The following MTERF3 variants were observed in gnomAD, a reference collection of about 807,000 sequenced individuals.
MTERF3 encodes the protein mitochondrial transcription termination factor 3.
MTERF3 carries 40 observed loss-of-function variants against 40.5 expected under a neutral mutation model. The observed-to-expected ratio is 0.99, with a 90% CI of 0.77 to 1.29. The LOEUF (loss-of-function observed/expected upper bound fraction) is 1.29. MTERF3 is among the 50% of genes most tolerant of loss of function. The pLI is 0.00. For synonymous variants in MTERF3, 158 were observed against 166.6 expected (o/e 0.95, Z 0.40); for missense variants, 452 against 478.2 (o/e 0.95, Z 0.51).
In MTERF3 at chr8:96,258,586, T is replaced by G. The variant is rs1164977102; in HGVS notation, c.105A>C (p.Arg35Ser). The change falls in exon 2 of 8, where the codon AGA becomes AGC. Residue 35 changes from arginine (R) to serine (S), a missense_variant. Arg to Ser is a moderately radical substitution (Grantham distance 110). Coordinates refer to ENST00000287025, the MANE Select transcript of MTERF3 (RefSeq NM_015942.5). ...GAGCAGAAAAGCCATGTAACAGTGT[T>G]CTTGCTGGTCTAGTAAAACGTTTTG... ...QLTKRFTRPA[R>S]TLLHGFSAQP... is the part of the protein sequence containing the mutation. 1.2e-6 allele frequency: 2 copies of G among 1,614,048 alleles called. No homozygotes were observed. The highest frequency in any genetic ancestry group is 1.7e-6 in the Non-Finnish European group (2 of 1,180,002).
chr8:96,253,003 G>A (rs1262455474), intron 3 of MTERF3, among the ~76,000 whole-genome samples: 1 of 152,110 alleles, frequency 6.6e-6, no homozygotes, highest in African/African-American at 2.4e-5. Flanking sequence ...AGGTATTGGG[G>A]TTATAAAAAA....
At chr8:96,256,008 G>A (rs1810273257) in intron 3 of MTERF3, among the ~76,000 whole-genome samples, 1 of 152,150 alleles carries the variant, frequency 6.6e-6, no homozygotes, top group South Asian at 2.1e-4. Context: ...TATTGGGTAT[G>A]GAGAGACCCG....
At chr8:96,253,171 T>C (rs1364691858) in intron 3 of MTERF3, among the ~76,000 whole-genome samples, 1 of 152,078 alleles carries the variant, frequency 6.6e-6, no homozygotes, top group African/African-American at 2.4e-5. Flanking sequence ...CCCTGGAAAG[T>C]ACAAATGACA....
rs546237193 is a variant in MTERF3, at chr8:96,244,368, C to A, written c.898-288G>T. Reference sequence around the variant, plus strand: ...AAGTGATCCACCCACCTTGGCCTCCCGAAGTGCTTACAGGTGTGAGCCACC... The same window carrying A: ...AAGTGATCCACCCACCTTGGCCTCCAGAAGTGCTTACAGGTGTGAGCCACC... On this transcript the variant is annotated intron_variant, in intron 6 of 7. Coordinates refer to ENST00000287025, the MANE Select transcript of MTERF3 (RefSeq NM_015942.5). Among the ~76,000 whole-genome samples the A allele has an allele frequency of 7.6e-4, 115 of 151,966 alleles. 2 individuals are homozygous for A. The highest frequency in any genetic ancestry group is 2.3e-3 in the African/African-American group (95 of 41,442).
At chr8:96,244,712 C>G (rs1319649659) in intron 6 of MTERF3, among the ~76,000 whole-genome samples, 1 of 152,164 alleles carries the variant, frequency 6.6e-6, no homozygotes, top group East Asian at 1.9e-4. Context: ...TTCTTTTAAA[C>G]TTAAAATAAC....
At position 96,251,056 on chromosome 8, in the gene MTERF3, G is replaced by C; in HGVS notation, c.527C>G (p.Ala176Gly). ...AAAATCCAGTCTCAGAAGGAGGTTTGCTGCTTCTGGATGTTTTTCTATCTT... is the reference window on the plus strand; with the variant it reads ...AAAATCCAGTCTCAGAAGGAGGTTTCCTGCTTCTGGATGTTTTTCTATCTT... The part of the protein sequence containing the change: ...LSKIEKHPEA[A>G]NLLLRLDFEK... The change falls in exon 4 of 8, where the codon GCA becomes GGA. Residue 176 changes from alanine (A) to glycine (G), a missense_variant. By Grantham distance (60) the Ala-to-Gly change is moderately conservative (BLOSUM62 0). Transcript: ENST00000287025. 1 of 1,592,254 alleles carries C rather than the reference G, an allele frequency of 6.3e-7. No homozygotes were observed. Among genetic ancestry groups the C allele is most frequent in the Non-Finnish European group, 8.5e-7 (1 of 1,174,758 alleles).
rs770799827 is a variant in MTERF3, at chr8:96,246,501, T to C, written c.678-47A>G. On this transcript the variant is annotated intron_variant, in intron 4 of 7. Transcript: ENST00000287025. Reference sequence around the variant, plus strand: ...CGCATGTGATAAACACTTACATTCTTTTTTTTTGAGATGGAGTCTCATGCT... The same window carrying C: ...CGCATGTGATAAACACTTACATTCTCTTTTTTTGAGATGGAGTCTCATGCT... 35 of 1,488,988 alleles carry C rather than the reference T, an allele frequency of 2.4e-5. No individual in the cohort carries two copies. In the African/African-American group the frequency reaches 4.8e-4, roughly 20 times the overall value. The allele number at this position is 1,488,988 out of a possible 1,614,324, so 92.2% of individuals were successfully genotyped here. A position where few individuals can be genotyped will look rare whatever the true frequency, so the allele number is the denominator to read the frequency against.
chr8:96,249,486 T>G (rs912685360), intron 4 of MTERF3, among the ~76,000 whole-genome samples: 2 of 152,230 alleles, frequency 1.3e-5, no homozygotes, highest in African/African-American at 4.8e-5. Flanking sequence ...ACTATCACTC[T>G]CATGAAGGGA....
At chr8:96,258,280 T>C (rs1810316917) in intron 2 of MTERF3, 77 bp downstream of exon 2, 3 of 1,465,274 alleles carry the variant, frequency 2.0e-6, no homozygotes, top group Non-Finnish European at 2.7e-6. Context: ...TGAAATGGGC[T>C]AGCAGAAGGT....
rs376719625 is a variant in MTERF3 at position 96,257,053 on chromosome 8, C to A, written c.396G>T (p.Gln132His). Residue 132 changes from glutamine (Q) to histidine (H), a missense_variant, in exon 3 of 8, where the codon CAG becomes CAT. By Grantham distance (24) the Gln-to-His change is conservative. Coordinates refer to ENST00000287025, the MANE Select transcript of MTERF3 (RefSeq NM_015942.5). ...MQPISEEEAI[Q>H]IIADPPLPPA... ...GTGGCAATGGAGGGTCTGCAATAAT[C>A]TGAATAGCCTCTTCCTCTGAAATTG... 1 of 1,613,982 alleles carries A rather than the reference C, an allele frequency of 6.2e-7. No individual in the cohort carries two copies. Among genetic ancestry groups the A allele is most frequent in the Admixed American group, 1.7e-5 (1 of 60,018 alleles).
intron 7 of MTERF3, among the ~76,000 whole-genome samples, chr8:96,240,023 G>A (rs931171574): frequency 3.9e-5 from 6 of 152,280 alleles, no homozygotes; most frequent in East Asian, 1.9e-4. Context: ...TGAGGCAGGC[G>A]GATCATCTGA....
At chr8:96,247,449 T>A (rs866641271) in intron 4 of MTERF3, among the ~76,000 whole-genome samples, 9 of 152,170 alleles carry the variant, frequency 5.9e-5, no homozygotes, top group African/African-American at 1.9e-4. Flanking sequence ...ATGGTTTTAC[T>A]AAATGTCTAA....
rs558522058 is a variant in MTERF3, at chr8:96,250,413, T to TA, written c.677+492dup. On this transcript the variant is annotated intron_variant, in intron 4 of 7. Coordinates refer to ENST00000287025, the MANE Select transcript of MTERF3 (RefSeq NM_015942.5). ...CTGACTCAGTAATAAGTTGAAAACA[T>TA]AAAAATAATAATGGAGCCAGGCAGG... Among the ~76,000 whole-genome samples, 155 of 145,378 alleles carry TA rather than the reference T, an allele frequency of 1.1e-3. 5 individuals are homozygous for TA. In the East Asian group the frequency reaches 0.025, roughly 23 times the overall value.
intron 2 of MTERF3, 106 bp from the exon 3 acceptor site, chr8:96,257,220 G>C (rs1220681438): frequency 3.4e-6 from 4 of 1,193,024 alleles, no homozygotes. Flanking sequence ...TAAATCTTGG[G>C]ATCATTTTAG....
At chr8:96,242,593 C>T (rs1809948881) in intron 7 of MTERF3, among the ~76,000 whole-genome samples, 1 of 152,118 alleles carries the variant, frequency 6.6e-6, no homozygotes, top group Admixed American at 6.5e-5. Context: ...ATAGCATCTA[C>T]CTCATATGGT....
chr8:96,245,174 G>A lies in MTERF3; in HGVS notation c.897+686C>T, dbSNP rs767944345. Among the ~76,000 whole-genome samples, 170 of 152,100 alleles carry A rather than the reference G, an allele frequency of 1.1e-3. 2 individuals are homozygous for A. Among genetic ancestry groups the A allele is most frequent in the Non-Finnish European group, 3.5e-4 (24 of 68,036 alleles). On this transcript the variant is annotated intron_variant, in intron 6 of 7. Coordinates refer to ENST00000287025, the MANE Select transcript of MTERF3 (RefSeq NM_015942.5). ...TGTAAGCTCCTTGGGAGGAGAAGCT[G>A]TCTCCTCAGCATGGCGCTTGGGCAG... is the stretch of plus-strand genomic sequence containing the variant.
At chr8:96,260,783 AT>A (rs1336918409) in intron 1 of MTERF3, among the ~76,000 whole-genome samples, 19 of 152,208 alleles carry the variant, frequency 1.2e-4, no homozygotes, top group Non-Finnish European at 2.4e-4. Flanking sequence ...TTAACAATTG[AT>A]TAACTGTTCA....
chr8:96,246,060 C>T (rs1293341922), intron 5 of MTERF3, 129 bp from the exon 6 acceptor site: 1 of 886,378 alleles, frequency 1.1e-6, no homozygotes, highest in Non-Finnish European at 1.7e-6. Context: ...TGATAGGAAC[C>T]CCAGGAATAG....
Position 96,258,808 on chromosome 8 carries a change from A to G in MTERF3, c.-10-108T>C, listed in dbSNP as rs543895071. ...ATAAACTGGAAATTATTTTTTTCTAATTGAAAGGTGTTTAAATATATATTT... is the reference window on the plus strand; with the variant it reads ...ATAAACTGGAAATTATTTTTTTCTAGTTGAAAGGTGTTTAAATATATATTT... On this transcript the variant is annotated intron_variant, in intron 1 of 7. Transcript: ENST00000287025. The G allele has an allele frequency of 9.8e-5, 83 of 847,350 alleles. 1 individual carries two copies. The highest frequency in any genetic ancestry group is 1.5e-4 in the Non-Finnish European group (82 of 564,292). 52.5% of individuals were successfully genotyped at this position (847,350 alleles called of 1,614,324 possible).
Sources: gnomAD v4.1 joint callset for allele counts (sites outside exome capture counted in the v4.1 genomes callset) on GRCh38, gnomAD v4.1.1 for gene constraint, MANE v1.5 for transcripts, NCBI Gene and HGNC (gene_info 2026-07-23, HGNC 2026-07-21) for gene names.